Variants in ADAM23 observed in about 807,000 individuals in gnomAD.
The protein encoded by ADAM23 is ADAM metallopeptidase domain 23.
Under a neutral mutation model 120.1 loss-of-function variants are expected in ADAM23, and 33 were observed. The ratio of observed to expected loss-of-function variants is 0.27; its 90% CI spans 0.21 to 0.37. The LOEUF is 0.37. Ranked by LOEUF, ADAM23 falls within the 10% of genes least tolerant of loss-of-function variation. The pLI, the probability that ADAM23 is intolerant of heterozygous loss-of-function variation, is 1.00. For synonymous variants in ADAM23, 367 were observed against 375.2 expected, an observed-to-expected ratio of 0.98 and a Z score of 0.25; for missense variants, 862 against 1,058.2, an observed-to-expected ratio of 0.81 and a Z score of 2.57.
intron 15 of ADAM23, among the ~76,000 whole-genome samples, chr2:206,568,664 A>G (rs1207080672): frequency 6.6e-6 from 1 of 152,248 alleles, no homozygotes. Context: ...GATAGGATCA[A>G]TGCTAATTAG....
chr2:206,570,668 G>A, intron 15 of ADAM23, 72 bp from the exon 16 acceptor site: 1 of 1,173,984 alleles, frequency 8.5e-7, no homozygotes, highest in South Asian at 1.2e-5. Flanking sequence ...GCCATTGTAT[G>A]TGGCCCAGTT....
intron 6 of ADAM23, among the ~76,000 whole-genome samples, chr2:206,545,527 C>T (rs1697379822): frequency 6.6e-6 from 1 of 152,064 alleles, no homozygotes; most frequent in East Asian, 1.9e-4. Context: ...AAACAGCTAA[C>T]AGTTAGATAG....
At chr2:206,593,557 CT>C (rs570849971) in intron 22 of ADAM23, among the ~76,000 whole-genome samples, 14 of 149,284 alleles carry the variant, frequency 9.4e-5, no homozygotes, top group East Asian at 3.9e-4. Context: ...CAAATGGTTA[CT>C]TTTTTTTTTC....
At chr2:206,601,439 C>A (rs1277029205) in intron 24 of ADAM23, among the ~76,000 whole-genome samples, 2 of 152,044 alleles carry the variant, frequency 1.3e-5, no homozygotes, top group African/African-American at 4.8e-5. Flanking sequence ...TTATCTTGAG[C>A]CAAATGCTTT....
At chr2:206,530,536 C>A (rs571165751) in intron 3 of ADAM23, among the ~76,000 whole-genome samples, 3 of 151,400 alleles carry the variant, frequency 2.0e-5, no homozygotes, top group African/African-American at 7.3e-5. Context: ...AAGAGTTCAC[C>A]GTCCGGGAGG....
At chr2:206,608,766 G>T (rs985555311) in intron 24 of ADAM23, among the ~76,000 whole-genome samples, 3 of 152,086 alleles carry the variant, frequency 2.0e-5, no homozygotes, top group African/African-American at 7.2e-5. Flanking sequence ...CATGCAATTT[G>T]TGTGCTGCCA....
chr2:206,519,144 G>C (rs753193429), intron 3 of ADAM23, among the ~76,000 whole-genome samples: 1 of 152,100 alleles, frequency 6.6e-6, no homozygotes, highest in Admixed American at 6.6e-5. Flanking sequence ...GCTCCTGGGT[G>C]CCTGTTTAGT....
At chr2:206,546,222 T>A (rs1697393552) in intron 6 of ADAM23, among the ~76,000 whole-genome samples, 1 of 152,188 alleles carries the variant, frequency 6.6e-6, no homozygotes, top group Non-Finnish European at 1.5e-5. Context: ...AGGAAAGGAA[T>A]AGTGCTTTAA....
chr2:206,473,257 A>G (rs1289224278), intron 2 of ADAM23, among the ~76,000 whole-genome samples: 4 of 152,190 alleles, frequency 2.6e-5, no homozygotes, highest in Admixed American at 2.0e-4. Flanking sequence ...ATTTCATTCT[A>G]TTAAATAAAT....
intron 15 of ADAM23, among the ~76,000 whole-genome samples, chr2:206,569,394 A>G (rs956330118): frequency 6.6e-6 from 1 of 152,244 alleles, no homozygotes; most frequent in African/African-American, 2.4e-5. Flanking sequence ...ATAAACAACT[A>G]TGGATGCCAG....
chr2:206,533,266 A>G (rs540153294), intron 4 of ADAM23, among the ~76,000 whole-genome samples: 9 of 152,138 alleles, frequency 5.9e-5, no homozygotes, highest in South Asian at 2.1e-4. Context: ...CAGTGGTGCA[A>G]TCTCGGCTCA....
chr2:206,444,088 T>C lies in ADAM23; in HGVS notation c.214+8T>C. ...GGGCTGCTGCGCCCAGCGGTGGGTA[T>C]GGCCCCGTGCCCTTTGCGTTGGCTT... is the stretch of plus-strand genomic sequence containing the variant. On this transcript the variant is annotated splice_region_variant and intron_variant, in intron 1 of 25. Coordinates refer to ENST00000264377, the MANE Select transcript of ADAM23 (RefSeq NM_003812.4). 1 of 1,336,602 alleles carries C rather than the reference T, an allele frequency of 7.5e-7. No homozygotes were observed. The highest frequency in any genetic ancestry group is 2.4e-4 in the Middle Eastern group (1 of 4,174). The allele number at this position is 1,336,602 out of a possible 1,614,324, so 82.8% of individuals were successfully genotyped here.
In ADAM23 at chr2:206,592,618, G is replaced by A. The variant is rs1698446451; in HGVS notation, c.1960G>A (p.Asp654Asn). The A allele has an allele frequency of 9.3e-6, 15 of 1,613,716 alleles. No homozygotes were observed. Among genetic ancestry groups the A allele is most frequent in the Non-Finnish European group, 1.3e-5 (15 of 1,179,824 alleles). The change falls in exon 22 of 26, where the codon GAT becomes AAT. Residue 654 changes from aspartate (D) to asparagine (N), a missense_variant and splice_region_variant. Coordinates refer to ENST00000264377, the MANE Select transcript of ADAM23 (RefSeq NM_003812.4). ...TTTGTTTTCTTTACACATGTTCAGT[G>A]ATGTGTTCTGTGGATTCTTACTCTG... Reference protein sequence around the residue: ...GDRWIQCSKHDVFCGFLLCTN... With the variant: ...GDRWIQCSKHNVFCGFLLCTN...
chr2:206,461,500 A>T (rs1695418613), intron 2 of ADAM23, among the ~76,000 whole-genome samples: 3 of 152,178 alleles, frequency 2.0e-5, no homozygotes, highest in Non-Finnish European at 4.4e-5. Context: ...ATCTAGATTT[A>T]AATTTCCTAA....
chr2:206,583,314 C>T (rs1422575778), intron 18 of ADAM23, among the ~76,000 whole-genome samples: 3 of 152,072 alleles, frequency 2.0e-5, no homozygotes, highest in Admixed American at 6.5e-5. Flanking sequence ...ATTAGCCGGG[C>T]GTGGTAACGA....
intron 14 of ADAM23, among the ~76,000 whole-genome samples, chr2:206,565,919 G>T (rs1167624832): frequency 6.6e-6 from 1 of 152,142 alleles, no homozygotes. Context: ...CTCCTGGGGA[G>T]GAGTGTGGGC....
At chr2:206,593,146 G>A (rs777730406) in intron 22 of ADAM23, among the ~76,000 whole-genome samples, 6 of 152,196 alleles carry the variant, frequency 3.9e-5, no homozygotes, top group Non-Finnish European at 7.4e-5. Context: ...TTGGAAGATG[G>A]CTTAACAAAT....
rs1372175363 is a variant in ADAM23, at chr2:206,445,386, C to T, written c.294C>T (p.Ser98=). 5 of 1,613,884 alleles carry T rather than the reference C, an allele frequency of 3.1e-6. No homozygotes were observed. Among genetic ancestry groups the T allele is most frequent in the African/African-American group, 2.7e-5 (2 of 74,858 alleles). The change falls in exon 2 of 26, where the codon AGC becomes AGT. Residue 98 remains serine, a synonymous_variant. Coordinates refer to ENST00000264377, the MANE Select transcript of ADAM23 (RefSeq NM_003812.4). ...ACAATACATTGCAACAGAATAGCAG[C>T]AGTAATATCAGTTACAGCAATGCAA... is the stretch of plus-strand genomic sequence containing the variant. ...DEDNTLQQNS[S]SNISYSNAMQ...
At chr2:206,604,400 G>A (rs1300094140) in intron 24 of ADAM23, among the ~76,000 whole-genome samples, 1 of 152,166 alleles carries the variant, frequency 6.6e-6, no homozygotes, top group African/African-American at 2.4e-5. Context: ...CCCAGTGTTT[G>A]CCTCCATAAC....
Sources: allele counts gnomAD v4.1 joint callset (sites outside exome capture counted in the v4.1 genomes callset), GRCh38; gene constraint gnomAD v4.1.1; transcripts MANE v1.5; gene names NCBI Gene and HGNC (gene_info 2026-07-23, HGNC 2026-07-21).